Variants in PLEKHM1 observed in about 807,000 individuals in gnomAD.
PLEKHM1 encodes the protein pleckstrin homology and RUN domain containing M1.
Under a neutral mutation model 94.3 loss-of-function variants are expected in PLEKHM1, and 28 were observed. That is an observed-to-expected ratio of 0.30 (90% confidence interval 0.22 to 0.41). The LOEUF is 0.41. Ranked by LOEUF, PLEKHM1 falls within the 10% of genes least tolerant of loss-of-function variation. The pLI, the probability that PLEKHM1 is intolerant of heterozygous loss-of-function variation, is 1.00. For synonymous variants in PLEKHM1, 424 were observed against 581.2 expected (o/e 0.73, Z 3.89); for missense variants, 907 against 1,358.6 (o/e 0.67, Z 5.22).
intron 1 of PLEKHM1, among the ~76,000 whole-genome samples, chr17:45,486,586 T>A (rs190550312): frequency 0.011 from 1,647 of 148,784 alleles, 17 homozygotes; most frequent in Admixed American, 0.018. Flanking sequence ...AAAAAAAAAT[T>A]AATAATAATA....
rs2050250989 is a variant in PLEKHM1 at position 45,436,197 on chromosome 17, A to C, written c.*1661T>G. On this transcript the variant is annotated 3_prime_UTR_variant, in exon 12 of 12. Coordinates refer to ENST00000430334, the MANE Select transcript of PLEKHM1 (RefSeq NM_014798.3). ...ATCCTCACAGGCCCAAGCCCTCCCC[A>C]GGCCAGGCTCCTGCCCACTCAGGGA... 2.2e-6 allele frequency: 1 copy of C among 454,378 alleles called. No homozygotes were observed. The allele number at this position is 454,378 out of a possible 1,614,324, so 28.1% of individuals were successfully genotyped here.
intron 9 of PLEKHM1, among the ~76,000 whole-genome samples, chr17:45,442,185 G>A (rs28404811): frequency 0.017 from 2,516 of 152,210 alleles, 47 homozygotes; most frequent in African/African-American, 0.05. Context: ...CAGGTCTGCC[G>A]GAGAGAACCC....
rs1237652605 is a variant in PLEKHM1, at chr17:45,436,151, C to T, written c.*1707G>A. On this transcript the variant is annotated 3_prime_UTR_variant, in exon 12 of 12. Transcript: ENST00000430334. Reference sequence around the variant, plus strand: ...CCCCAGGGCCTCAAACCTGCTGCCTCCGAGGGCACCTTCGGGGAGAATCCT... The same window carrying T: ...CCCCAGGGCCTCAAACCTGCTGCCTTCGAGGGCACCTTCGGGGAGAATCCT... 4.4e-6 allele frequency: 2 copies of T among 455,758 alleles called. No homozygotes were observed. Among genetic ancestry groups the T allele is most frequent in the Admixed American group, 2.3e-5 (1 of 42,574 alleles). The allele number at this position is 455,758 out of a possible 1,614,324, so 28.2% of individuals were successfully genotyped here. A position where few individuals can be genotyped will look rare whatever the true frequency, so the allele number is the denominator to read the frequency against.
At chr17:45,477,625 T>C (rs1486740389) in intron 3 of PLEKHM1, 10 of 499,456 alleles carry the variant, frequency 2.0e-5, no homozygotes, top group Non-Finnish European at 3.7e-5. Flanking sequence ...CTGCTAAAGG[T>C]GGCCAGTCTC....
chr17:45,442,859 C>A (rs1050705927), intron 9 of PLEKHM1, among the ~76,000 whole-genome samples: 12 of 152,146 alleles, frequency 7.9e-5, no homozygotes, highest in African/African-American at 2.9e-4. Context: ...TGCCCAGAGC[C>A]CCTCAAGGGT....
At chr17:45,435,428 G>T (rs1218445834), downstream of PLEKHM1, among the ~76,000 whole-genome samples, 11 of 152,168 alleles carry the variant, frequency 7.2e-5, no homozygotes, top group Non-Finnish European at 1.3e-4. Context: ...AAGTCATTTT[G>T]AGCCCTAAAA....
Position 45,436,855 on chromosome 17 carries a change from A to G in PLEKHM1, c.*1003T>C. 2.2e-6 allele frequency: 1 copy of G among 453,890 alleles called. No homozygotes were observed. Among genetic ancestry groups the G allele is most frequent in the Non-Finnish European group, 4.4e-6 (1 of 226,544 alleles). 28.1% of individuals were successfully genotyped at this position (453,890 alleles called of 1,614,324 possible). A position where few individuals can be genotyped will look rare whatever the true frequency, so the allele number is the denominator to read the frequency against. On this transcript the variant is annotated 3_prime_UTR_variant, in exon 12 of 12. Coordinates refer to ENST00000430334, the MANE Select transcript of PLEKHM1 (RefSeq NM_014798.3). ...GGACCAGGTCACTTCTCCACAGTGCAGGGCGTGGCTGCCTGCCCTCTCTGG... is the reference window on the plus strand; with the variant it reads ...GGACCAGGTCACTTCTCCACAGTGCGGGGCGTGGCTGCCTGCCCTCTCTGG...
At chr17:45,440,814 T>A in intron 9 of PLEKHM1, 1 of 183,854 alleles carries the variant, frequency 5.4e-6, no homozygotes, top group South Asian at 1.2e-4. Flanking sequence ...CAGGCTGTTG[T>A]CATTATTGCC....
intron 1 of PLEKHM1, among the ~76,000 whole-genome samples, chr17:45,484,884 A>G (rs2052062672): frequency 6.6e-6 from 1 of 151,216 alleles, no homozygotes; most frequent in Non-Finnish European, 1.5e-5. Context: ...CTGGCCCTAA[A>G]TGGTGGAAGG....
Position 45,450,649 on chromosome 17 carries a change from A to T in PLEKHM1, c.2612T>A (p.Ile871Asn). The T allele has an allele frequency of 6.2e-7, 1 of 1,612,840 alleles. No individual in the cohort carries two copies. The highest frequency in any genetic ancestry group is 8.5e-7 in the Non-Finnish European group (1 of 1,179,634). ...CTTGGTGAGGTCCCAGTTGTGGATGATCCTGGCCGGAATCACTGAGGCATC... is the reference window on the plus strand; with the variant it reads ...CTTGGTGAGGTCCCAGTTGTGGATGTTCCTGGCCGGAATCACTGAGGCATC... ...QDDASVIPAR[I>N]IHNWDLTKRP... The change falls in exon 8 of 12, where the codon ATC (isoleucine) becomes AAC (asparagine). Residue 871 changes from isoleucine to asparagine, a missense_variant. By Grantham distance (149) the Ile-to-Asn change is moderately radical. This residue lies in a region of PLEKHM1 where 254 missense variants were observed against 451.1 expected (regional missense o/e 0.56). Transcript: ENST00000430334.
intron 3 of PLEKHM1, 51 bp from the exon 4 acceptor site, chr17:45,475,777 A>T: frequency 1.3e-6 from 2 of 1,534,676 alleles, no homozygotes; most frequent in Middle Eastern, 1.7e-4. Flanking sequence ...AATCACAGAG[A>T]TGTGCTTTTA....
chr17:45,439,995 G>A, intron 10 of PLEKHM1, 168 bp downstream of exon 10: 1 of 694,734 alleles, frequency 1.4e-6, no homozygotes. Flanking sequence ...ATCCGTCCCT[G>A]CCCAGGAAGC....
chr17:45,453,481 C>G lies in PLEKHM1; in HGVS notation c.2371G>C (p.Gly791Arg). ...TCCTGACAGTTTTCATCCAGGCTCC[C>G]GCCCAGGGTCACCGCCTCCTCGGCT... is the stretch of plus-strand genomic sequence containing the variant. ...ETAEEAVTLGGSLDENCQEVL... is the reference protein window; with the variant it reads ...ETAEEAVTLGRSLDENCQEVL... The change falls in exon 7 of 12, where the codon GGG becomes CGG. Residue 791 changes from glycine to arginine, a missense_variant. Gly to Arg is a moderately radical substitution (Grantham distance 125, BLOSUM62 -2). Around this residue, in one of 3 missense-constraint regions of PLEKHM1, gnomAD observed 254 missense variants for 451.1 expected, o/e 0.56. Transcript: ENST00000430334. The surrounding 1 kb of genome is among the most constrained non-coding windows in gnomAD (Gnocchi z 4.1). 1.2e-6 allele frequency: 2 copies of G among 1,607,228 alleles called. No homozygotes were observed. Among genetic ancestry groups the G allele is most frequent in the South Asian group, 2.2e-5 (2 of 90,058 alleles).
intron 1 of PLEKHM1, among the ~76,000 whole-genome samples, chr17:45,486,992 G>T (rs1361181102): frequency 2.0e-5 from 3 of 152,080 alleles, no homozygotes; most frequent in Non-Finnish European, 4.4e-5. Context: ...TCCTCAAAAC[G>T]CTCTTCATTG....
At chr17:45,442,394 G>T (rs117029704) in intron 9 of PLEKHM1, among the ~76,000 whole-genome samples, 3,796 of 152,180 alleles carry the variant, frequency 0.025, 76 homozygotes, top group Non-Finnish European at 0.043. Flanking sequence ...GGGCCAGAAT[G>T]GTCTTTTTGT....
downstream of PLEKHM1, among the ~76,000 whole-genome samples, chr17:45,435,519 A>C (rs1333652342): frequency 1.3e-5 from 2 of 152,180 alleles, no homozygotes; most frequent in Non-Finnish European, 2.9e-5. Flanking sequence ...TCCTCTGAGA[A>C]ATGTCCCCTG....
At chr17:45,480,281 G>A (rs1256919422) in intron 2 of PLEKHM1, among the ~76,000 whole-genome samples, 1 of 152,130 alleles carries the variant, frequency 6.6e-6, no homozygotes, top group Non-Finnish European at 1.5e-5. Context: ...TCAGGAGTTC[G>A]AGACCAGCCT....
intron 2 of PLEKHM1, among the ~76,000 whole-genome samples, chr17:45,480,749 G>A (rs748453691): frequency 5.3e-5 from 8 of 152,112 alleles, no homozygotes; most frequent in Non-Finnish European, 1.2e-4. Flanking sequence ...CATGTATCAG[G>A]ACTTCATCCC....
At chr17:45,478,674 A>C (rs1301416833) in intron 2 of PLEKHM1, among the ~76,000 whole-genome samples, 2 of 152,214 alleles carry the variant, frequency 1.3e-5, no homozygotes, top group East Asian at 3.8e-4. Flanking sequence ...TACTTTAAGA[A>C]AGATCCTAGG....
Sources: allele counts gnomAD v4.1 joint callset (sites outside exome capture counted in the v4.1 genomes callset), GRCh38; gene constraint gnomAD v4.1.1; regional missense constraint gnomAD v4.1.1; non-coding constraint Gnocchi (gnomAD v3.1); transcripts MANE v1.5; gene names NCBI Gene and HGNC (gene_info 2026-07-23, HGNC 2026-07-21).